CDH18: variants seen among roughly 807,000 people sequenced by gnomAD.
CDH18 encodes the protein cadherin 18.
A neutral mutation model predicts 67.9 loss-of-function variants in CDH18; 31 were observed. That is an observed-to-expected ratio of 0.46 (90% confidence interval 0.34 to 0.62). The LOEUF (loss-of-function observed/expected upper bound fraction) is 0.62, where lower values mean the gene tolerates loss of function less well. CDH18 is among the 20% of genes least tolerant of loss of function. CDH18 has a pLI of 0.01. For missense variants in CDH18, 890 were observed against 975.5 expected (o/e 0.91, Z 1.17); for synonymous variants, 362 against 347.2 (o/e 1.04, Z -0.48).
intron 1 of CDH18, among the ~76,000 whole-genome samples, chr5:20,547,558 C>G (rs921785861): frequency 1.9e-5 from 2 of 104,416 alleles, no homozygotes; most frequent in Non-Finnish European, 4.2e-5. Flanking sequence ...AAGACTCTGT[C>G]AGAAAAAAAA....
At chr5:20,337,649 A>T (rs762367626) in intron 1 of CDH18, among the ~76,000 whole-genome samples, 19 of 152,184 alleles carry the variant, frequency 1.2e-4, no homozygotes, top group Non-Finnish European at 2.4e-4. Context: ...AAAGCCATTC[A>T]ACAAGTCTCT....
At chr5:20,126,194 G>T (rs1748804223) in intron 2 of CDH18, among the ~76,000 whole-genome samples, 1 of 152,166 alleles carries the variant, frequency 6.6e-6, no homozygotes. Context: ...ACAAGGCTGT[G>T]TAAAATACAC....
At chr5:20,338,719 G>C (rs115662259) in intron 1 of CDH18, among the ~76,000 whole-genome samples, 1,952 of 152,264 alleles carry the variant, frequency 0.013, 15 homozygotes, top group Admixed American at 0.019. Context: ...GTGATGTCTT[G>C]ATTTTACCCA....
At chr5:19,900,500 T>C (rs1026019710) in intron 2 of CDH18, among the ~76,000 whole-genome samples, 2 of 152,184 alleles carry the variant, frequency 1.3e-5, no homozygotes, top group Non-Finnish European at 2.9e-5. Context: ...TATACATGTA[T>C]CAAACGATAA....
intron 2 of CDH18, among the ~76,000 whole-genome samples, chr5:19,876,615 G>A (rs1787035176): frequency 6.6e-6 from 1 of 152,090 alleles, no homozygotes; most frequent in Non-Finnish European, 1.5e-5. Flanking sequence ...GGTGAGGTGG[G>A]ATTGCCTTTT....
intron 2 of CDH18, among the ~76,000 whole-genome samples, chr5:19,952,523 C>T (rs1177925685): frequency 6.6e-6 from 1 of 152,086 alleles, no homozygotes; most frequent in Non-Finnish European, 1.5e-5. Flanking sequence ...CAGTCCAGTA[C>T]CTTATGTGTC....
intron 5 of CDH18, among the ~76,000 whole-genome samples, chr5:19,689,960 T>C (rs1761633470): frequency 6.6e-6 from 1 of 151,558 alleles, no homozygotes; most frequent in Non-Finnish European, 1.5e-5. Flanking sequence ...TGATCAGAAG[T>C]AGTTATACTT....
chr5:19,766,071 G>A (rs993097606), intron 3 of CDH18, among the ~76,000 whole-genome samples: 1 of 151,986 alleles, frequency 6.6e-6, no homozygotes, highest in African/African-American at 2.4e-5. Context: ...TAGGGACAGG[G>A]TTTCACCATG....
chr5:20,034,952 T>C (rs1739720499), intron 2 of CDH18, among the ~76,000 whole-genome samples: 1 of 152,060 alleles, frequency 6.6e-6, no homozygotes, highest in Non-Finnish European at 1.5e-5. Flanking sequence ...TATTAAAGCA[T>C]GTAAGGTTGA....
intron 2 of CDH18, among the ~76,000 whole-genome samples, chr5:19,953,340 GATTT>G (rs1795978078): frequency 6.6e-6 from 1 of 152,046 alleles, no homozygotes; most frequent in South Asian, 2.1e-4. Context: ...CATAGAGGAA[GATTT>G]ATTAATCAAT....
intron 9 of CDH18, among the ~76,000 whole-genome samples, chr5:19,522,785 C>T (rs1723134821): frequency 6.6e-6 from 1 of 150,800 alleles, no homozygotes; most frequent in African/African-American, 2.4e-5. Context: ...CTCCCAACTA[C>T]TGGGGAGGCT....
intron 2 of CDH18, among the ~76,000 whole-genome samples, chr5:20,026,949 C>T (rs539710042): frequency 1.1e-4 from 16 of 149,418 alleles, no homozygotes; most frequent in Non-Finnish European, 1.8e-4. Flanking sequence ...AGCGTGACTC[C>T]GTTTCAAACA....
At chr5:20,338,312 T>G (rs1739958514) in intron 1 of CDH18, among the ~76,000 whole-genome samples, 1 of 152,214 alleles carries the variant, frequency 6.6e-6, no homozygotes, top group African/African-American at 2.4e-5. Flanking sequence ...CAAACCTCTC[T>G]TTACAATGTC....
At chr5:20,189,008 T>A (rs1232553066) in intron 2 of CDH18, among the ~76,000 whole-genome samples, 1 of 152,068 alleles carries the variant, frequency 6.6e-6, no homozygotes, top group African/African-American at 2.4e-5. Context: ...TTTACTGGTG[T>A]CATTTTTAGT....
At chr5:20,234,810 C>A (rs2126518602) in intron 2 of CDH18, among the ~76,000 whole-genome samples, 1 of 152,062 alleles carries the variant, frequency 6.6e-6, no homozygotes, top group Non-Finnish European at 1.5e-5. Context: ...GGCATGGGGA[C>A]AACAATGTTT....
chr5:19,595,610 G>A (rs112094461), intron 6 of CDH18, among the ~76,000 whole-genome samples: 11 of 152,264 alleles, frequency 7.2e-5, no homozygotes, highest in South Asian at 2.1e-4. Flanking sequence ...GCGACAGAGC[G>A]AGACTCCATC....
At chr5:19,948,933 A>C (rs1008628038) in intron 2 of CDH18, among the ~76,000 whole-genome samples, 9 of 152,206 alleles carry the variant, frequency 5.9e-5, no homozygotes, top group Admixed American at 5.9e-4. Context: ...AAATGTAATT[A>C]TACTGAAGTA....
At chr5:20,145,536 C>T (rs947848397) in intron 2 of CDH18, among the ~76,000 whole-genome samples, 1 of 152,132 alleles carries the variant, frequency 6.6e-6, no homozygotes. Flanking sequence ...TTTTGCTTCA[C>T]TCAAGGTGTG....
chr5:19,711,959 G>A (rs1764760279), intron 5 of CDH18, among the ~76,000 whole-genome samples: 1 of 151,984 alleles, frequency 6.6e-6, no homozygotes, highest in African/African-American at 2.4e-5. Context: ...CATATACACT[G>A]TGGAATATTA....
Sources: gnomAD v4.1 joint callset for allele counts (sites outside exome capture counted in the v4.1 genomes callset) on GRCh38, gnomAD v4.1.1 for gene constraint, MANE v1.5 for transcripts, NCBI Gene and HGNC (gene_info 2026-07-23, HGNC 2026-07-21) for gene names.